The following CDH9 variants were observed in gnomAD, a reference collection of about 807,000 sequenced individuals.
The protein encoded by CDH9 is cadherin-9.
A neutral mutation model predicts 70.9 loss-of-function variants in CDH9; 28 were observed. The ratio of observed to expected loss-of-function variants is 0.40; its 90% CI spans 0.29 to 0.54. The LOEUF (loss-of-function observed/expected upper bound fraction) is 0.54. CDH9 is among the 20% of genes least tolerant of loss of function. The pLI is 0.59. For missense variants in CDH9, 874 were observed against 984.4 expected, an observed-to-expected ratio of 0.89 and a Z score of 1.50; for synonymous variants, 409 against 343.1, an observed-to-expected ratio of 1.19 and a Z score of -2.12.
chr5:26,945,027 G>A (rs1204385225), intron 2 of CDH9, among the ~76,000 whole-genome samples: 1 of 152,036 alleles, frequency 6.6e-6, no homozygotes, highest in Non-Finnish European at 1.5e-5. Flanking sequence ...TCTCTTATTT[G>A]TACTCCAGTG....
intron 5 of CDH9, among the ~76,000 whole-genome samples, chr5:26,905,000 G>A (rs1373810709): frequency 6.6e-6 from 1 of 151,884 alleles, no homozygotes; most frequent in East Asian, 1.9e-4. Flanking sequence ...ATGTTATTTA[G>A]GCTTATTATT....
At chr5:26,996,988 A>T (rs1369830453) in intron 1 of CDH9, among the ~76,000 whole-genome samples, 1 of 152,042 alleles carries the variant, frequency 6.6e-6, no homozygotes, top group East Asian at 1.9e-4. Context: ...CAGCTTAAAA[A>T]ATTTAGTTTC....
chr5:26,901,923 CAT>C (rs1444640599), intron 7 of CDH9, among the ~76,000 whole-genome samples: 2 of 151,794 alleles, frequency 1.3e-5, no homozygotes, highest in Non-Finnish European at 2.9e-5. Context: ...ATATAATTGA[CAT>C]AATATTCTTC....
intron 11 of CDH9, among the ~76,000 whole-genome samples, chr5:26,881,949 AAT>A (rs1217839185): frequency 1.3e-5 from 2 of 152,088 alleles, no homozygotes; most frequent in African/African-American, 4.8e-5. Flanking sequence ...ACTCATTTCA[AAT>A]ACAAAAACAC....
intron 11 of CDH9, among the ~76,000 whole-genome samples, chr5:26,882,040 T>C: frequency 6.6e-6 from 1 of 152,224 alleles, no homozygotes. Flanking sequence ...CAAGGGAATA[T>C]ATGCAAAACA....
intron 1 of CDH9, among the ~76,000 whole-genome samples, chr5:27,031,419 C>T (rs570290834): frequency 6.6e-6 from 1 of 151,928 alleles, no homozygotes; most frequent in South Asian, 2.1e-4. Flanking sequence ...TCCTCACACT[C>T]TATATAGGCC....
chr5:27,010,445 C>T (rs189577539), intron 1 of CDH9, among the ~76,000 whole-genome samples: 1 of 152,164 alleles, frequency 6.6e-6, no homozygotes, highest in East Asian at 1.9e-4. Flanking sequence ...CTCATGTGTG[C>T]CTCATCTCCA....
chr5:26,939,975 C>G (rs1434300465), intron 2 of CDH9, among the ~76,000 whole-genome samples: 2 of 151,830 alleles, frequency 1.3e-5, no homozygotes, highest in African/African-American at 4.8e-5. Flanking sequence ...ATGGAGAAAC[C>G]CTATCTCTAC....
intron 1 of CDH9, among the ~76,000 whole-genome samples, chr5:27,003,038 C>T (rs1561036600): frequency 6.6e-6 from 1 of 152,128 alleles, no homozygotes; most frequent in East Asian, 1.9e-4. Flanking sequence ...TAAAATGCTT[C>T]AGAACAGAAA....
intron 1 of CDH9, among the ~76,000 whole-genome samples, chr5:27,033,104 C>T (rs977472193): frequency 1.3e-5 from 2 of 150,704 alleles, no homozygotes; most frequent in Non-Finnish European, 3.0e-5. Context: ...TCTAATTTTT[C>T]CTATTCAAAA....
chr5:26,918,392 T>C (rs1453477000), intron 2 of CDH9, among the ~76,000 whole-genome samples: 1 of 152,230 alleles, frequency 6.6e-6, no homozygotes, highest in African/African-American at 2.4e-5. Flanking sequence ...TTCATCACAT[T>C]TGATGTAATT....
At position 26,899,693 on chromosome 5, in the gene CDH9, G is replaced by A. The variant is rs912689863; in HGVS notation, c.1253+2783C>T. Among the ~76,000 whole-genome samples the A allele has an allele frequency of 7.2e-5, 11 of 151,854 alleles. No homozygotes were observed. In the East Asian group the frequency reaches 2.2e-3, roughly 30 times the overall value. On this transcript the variant is annotated intron_variant, in intron 7 of 11. Transcript: ENST00000231021. The stretch of plus-strand genomic sequence containing the variant: ...TGAGAACCCATGGACACAGGGAGGG[G>A]AACATCACACACCAGGGCCTGTCAG...
At chr5:26,910,224 C>CATCTATCT (rs61512455) in intron 3 of CDH9, among the ~76,000 whole-genome samples, 21,445 of 149,110 alleles carry the variant, frequency 0.14, 1,684 homozygotes, top group East Asian at 0.21. Context: ...ATCTATCATC[C>CATCTATCT]ATCTATCTAT....
intron 2 of CDH9, among the ~76,000 whole-genome samples, chr5:26,922,020 A>G (rs1057052027): frequency 3.8e-5 from 5 of 130,654 alleles, no homozygotes; most frequent in African/African-American, 1.6e-4. Flanking sequence ...AAAACACAAA[A>G]TAGTCCAAAA....
chr5:26,989,145 A>T (rs1234239194), intron 1 of CDH9, among the ~76,000 whole-genome samples: 2 of 152,174 alleles, frequency 1.3e-5, no homozygotes, highest in Middle Eastern at 6.8e-3. Context: ...TAGATAACAC[A>T]TGTTACGTAT....
At chr5:26,883,043 AT>A (rs1740494828) in intron 11 of CDH9, among the ~76,000 whole-genome samples, 1 of 2,164 alleles carries the variant, frequency 4.6e-4, no homozygotes, top group South Asian at 0.045. Context: ...GGATCATCTT[AT>A]ATATATATAT....
rs1359492695 is a variant in CDH9, at chr5:26,902,345, TG to T, written c.1253+130del. On this transcript the variant is annotated intron_variant, in intron 7 of 11. Coordinates refer to ENST00000231021, the MANE Select transcript of CDH9 (RefSeq NM_016279.4). The stretch of plus-strand genomic sequence containing the variant: ...TGTGCAACCATTTTTTCACACAGTT[TG>T]TAAATAGTGAGATTATTGGTATTAT... 3 of 625,668 alleles carry T rather than the reference TG, an allele frequency of 4.8e-6. No individual in the cohort carries two copies. In the African/African-American group the frequency reaches 5.5e-5, roughly 12 times the overall value. The allele number at this position is 625,668 out of a possible 1,614,324, so 38.8% of individuals were successfully genotyped here.
intron 2 of CDH9, among the ~76,000 whole-genome samples, chr5:26,919,041 G>A (rs923466662): frequency 6.6e-6 from 1 of 152,102 alleles, no homozygotes; most frequent in African/African-American, 2.4e-5. Flanking sequence ...AGCCTACAGT[G>A]AAAATTCCTC....
intron 2 of CDH9, among the ~76,000 whole-genome samples, chr5:26,956,962 T>C (rs564526528): frequency 5.4e-4 from 82 of 151,162 alleles, no homozygotes; most frequent in African/African-American, 1.9e-3. Context: ...GTATTAGAGA[T>C]AGTCATTAGC....
Sources: allele counts gnomAD v4.1 joint callset (sites outside exome capture counted in the v4.1 genomes callset), GRCh38; gene constraint gnomAD v4.1.1; transcripts MANE v1.5; gene names NCBI Gene and HGNC (gene_info 2026-07-23, HGNC 2026-07-21).